KCNH7: variants seen among roughly 807,000 people sequenced by gnomAD.
KCNH7 encodes potassium voltage-gated channel subfamily H member 7.
A neutral mutation model predicts 120.8 loss-of-function variants in KCNH7; 49 were observed. The observed-to-expected ratio is 0.41, with a 90% CI of 0.32 to 0.51. The LOEUF (loss-of-function observed/expected upper bound fraction) is 0.51. Ranked by LOEUF, KCNH7 falls within the 20% of genes least tolerant of loss-of-function variation. The probability of loss-of-function intolerance (pLI) is 0.38; values close to 1 mark genes in which losing one functional copy is unlikely to be tolerated. For missense variants in KCNH7, 1,097 were observed against 1,446.6 expected (o/e 0.76, Z 3.92); for synonymous variants, 547 against 516.1 (o/e 1.06, Z -0.81).
At chr2:162,507,135 T>A (rs757456324) in intron 5 of KCNH7, among the ~76,000 whole-genome samples, 14 of 151,748 alleles carry the variant, frequency 9.2e-5, no homozygotes, top group Non-Finnish European at 2.1e-4. Flanking sequence ...AAATTGTTCA[T>A]CATTTTGGAA....
rs917435109 is a variant in KCNH7 at position 162,422,942 on chromosome 2, T to G, written c.2154+394A>C. Among the ~76,000 whole-genome samples the G allele has an allele frequency of 7.4e-4, 112 of 152,300 alleles. 1 individual carries two copies. The highest frequency in any genetic ancestry group is 2.5e-3 in the African/African-American group (102 of 41,580). ...AAAGTGTGTTAACCTGGGATCTCTGTTTGGGGGCATCATAATTATTACTGT... is the reference window on the plus strand; with the variant it reads ...AAAGTGTGTTAACCTGGGATCTCTGGTTGGGGGCATCATAATTATTACTGT... On this transcript the variant is annotated intron_variant, in intron 9 of 15. Transcript: ENST00000332142.
intron 2 of KCNH7, among the ~76,000 whole-genome samples, chr2:162,730,150 G>GA (rs1209424380): frequency 6.7e-6 from 1 of 150,294 alleles, no homozygotes; most frequent in African/African-American, 2.4e-5. Context: ...GATGTCGAAT[G>GA]AAAAAAGATG....
chr2:162,767,768 G>C (rs1307600746), intron 2 of KCNH7, among the ~76,000 whole-genome samples: 1 of 152,026 alleles, frequency 6.6e-6, no homozygotes, highest in Non-Finnish European at 1.5e-5. Flanking sequence ...TTTAATGAAA[G>C]TATTAAAACA....
At chr2:162,567,695 A>C (rs976646297) in intron 2 of KCNH7, among the ~76,000 whole-genome samples, 2 of 152,028 alleles carry the variant, frequency 1.3e-5, no homozygotes, top group African/African-American at 4.8e-5. Context: ...TGCCTGGCAC[A>C]CAGTAAGTGC....
chr2:162,524,315 T>G (rs1691628993), intron 3 of KCNH7, among the ~76,000 whole-genome samples: 1 of 152,002 alleles, frequency 6.6e-6, no homozygotes, highest in Non-Finnish European at 1.5e-5. Context: ...AGTCACTGGT[T>G]ATAGCCACAC....
At position 162,517,986 on chromosome 2, in the gene KCNH7, T is replaced by C. The variant is rs750777822; in HGVS notation, c.636A>G (p.Glu212=). 1.2e-6 allele frequency: 2 copies of C among 1,612,534 alleles called. No individual in the cohort carries two copies. The highest frequency in any genetic ancestry group is 1.7e-6 in the Non-Finnish European group (2 of 1,178,934). The change falls in exon 4 of 16, where the codon GAA becomes GAG. Residue 212 remains glutamate (E), a synonymous_variant. Transcript: ENST00000332142. ...SPTKESCSPS[E]ADDTKALIQP... is the part of the protein sequence containing the mutation. ...GTATCAAAGCTTTTGTGTCATCTGC[T>C]TCAGAGGGGCTGCAGCTTTCTTTTG...
intron 2 of KCNH7, among the ~76,000 whole-genome samples, chr2:162,836,111 ATAGTTT>A (rs1347146924): frequency 1.3e-5 from 2 of 152,188 alleles, no homozygotes; most frequent in African/African-American, 4.8e-5. Context: ...CATAACTGTA[ATAGTTT>A]TAGTTTTAGA....
chr2:162,403,624 C>T (rs1687124575), intron 9 of KCNH7, among the ~76,000 whole-genome samples: 1 of 151,920 alleles, frequency 6.6e-6, no homozygotes, highest in South Asian at 2.1e-4. Context: ...GTTGGAGCTG[C>T]TGTTGTTGCA....
chr2:162,565,350 C>T (rs1405632975), intron 2 of KCNH7, among the ~76,000 whole-genome samples: 1 of 151,970 alleles, frequency 6.6e-6, no homozygotes, highest in Non-Finnish European at 1.5e-5. Flanking sequence ...GGAAAATCTC[C>T]ATTTACGTAA....
chr2:162,514,570 T>C (rs1428361845), intron 4 of KCNH7, among the ~76,000 whole-genome samples: 1 of 151,746 alleles, frequency 6.6e-6, no homozygotes, highest in East Asian at 2.0e-4. Flanking sequence ...AGTACAGAAA[T>C]TGGAGTAAAT....
intron 2 of KCNH7, among the ~76,000 whole-genome samples, chr2:162,680,522 T>C (rs184949921): frequency 6.6e-6 from 1 of 151,850 alleles, no homozygotes; most frequent in East Asian, 1.9e-4. Flanking sequence ...CCCCAGTCCA[T>C]CTACTCATCT....
chr2:162,529,400 G>C (rs1691836941), intron 3 of KCNH7, among the ~76,000 whole-genome samples: 2 of 151,876 alleles, frequency 1.3e-5, no homozygotes, highest in African/African-American at 2.4e-5. Flanking sequence ...TCCAATTTAA[G>C]TACCAATTTT....
At chr2:162,830,971 C>T (rs934175449) in intron 2 of KCNH7, among the ~76,000 whole-genome samples, 1 of 152,126 alleles carries the variant, frequency 6.6e-6, no homozygotes, top group African/African-American at 2.4e-5. Flanking sequence ...TAAGACAACA[C>T]AATACTTGAA....
chr2:162,792,762 GGTGTGTGTGT>G (rs59397474), intron 2 of KCNH7, among the ~76,000 whole-genome samples: 14,168 of 124,844 alleles, frequency 0.11, 1,128 homozygotes, highest in African/African-American at 0.22. Context: ...TCTTTTGAAT[GGTGTGTGTGT>G]GTGTGTGTGT....
intron 2 of KCNH7, among the ~76,000 whole-genome samples, chr2:162,658,284 T>C (rs1392023140): frequency 1.3e-5 from 2 of 152,144 alleles, no homozygotes; most frequent in African/African-American, 4.8e-5. Context: ...TGCTCCTTTG[T>C]TAAAGGATAG....
chr2:162,607,700 A>G (rs1682828824), intron 2 of KCNH7, among the ~76,000 whole-genome samples: 1 of 152,144 alleles, frequency 6.6e-6, no homozygotes, highest in African/African-American at 2.4e-5. Context: ...TTAACAGTTA[A>G]TATTTCAATA....
At chr2:162,462,485 C>T (rs1689175923) in intron 6 of KCNH7, among the ~76,000 whole-genome samples, 1 of 151,270 alleles carries the variant, frequency 6.6e-6, no homozygotes, top group Non-Finnish European at 1.5e-5. Flanking sequence ...TGTGTATGAT[C>T]ACAAACACAT....
Position 162,748,931 on chromosome 2 carries a change from C to CT in KCNH7, c.307+87605dup, listed in dbSNP as rs1553520260. Among the ~76,000 whole-genome samples, 31 of 45,212 alleles carry CT rather than the reference C, an allele frequency of 6.9e-4. 1 individual carries two copies. Among genetic ancestry groups the CT allele is most frequent in the South Asian group, 1.3e-3 (1 of 790 alleles). The allele number at this position is 45,212 out of a possible 152,430, so 29.7% of individuals were successfully genotyped here. On this transcript the variant is annotated intron_variant, in intron 2 of 15. Coordinates refer to ENST00000332142, the MANE Select transcript of KCNH7 (RefSeq NM_033272.4). ...CCTTCCTTCCCTTCCCTTTCCTTTC[C>CT]TTCCTTCCTTCCTTCCTTCCTTCCT...
intron 2 of KCNH7, among the ~76,000 whole-genome samples, chr2:162,573,335 T>G (rs1693559355): frequency 6.6e-6 from 1 of 151,994 alleles, no homozygotes; most frequent in Admixed American, 6.6e-5. Context: ...GTCTAACCAC[T>G]CAAGGGCTGA....
Sources: gnomAD v4.1 joint callset for allele counts (sites outside exome capture counted in the v4.1 genomes callset) on GRCh38, gnomAD v4.1.1 for gene constraint, MANE v1.5 for transcripts, NCBI Gene and HGNC (gene_info 2026-07-23, HGNC 2026-07-21) for gene names.